The following PLAC1 variants were observed in gnomAD, a reference collection of about 807,000 sequenced individuals.
PLAC1 encodes the protein placenta associated 1, also known as placenta-specific protein 1.
For missense variants in PLAC1, 136 were observed against 163.2 expected (o/e 0.83, Z 0.91); for synonymous variants, 68 against 62.1 (o/e 1.09, Z -0.44).
intron 2 of PLAC1, among the ~76,000 whole-genome samples, chrX:134,697,047 G>A (rs1253663988): frequency 9.3e-6 from 1 of 107,710 alleles, no homozygotes; most frequent in Non-Finnish European, 1.9e-5. Context: ...AAAAAAAAAG[G>A]AAAGAAAGAA....
intron 1 of PLAC1, among the ~76,000 whole-genome samples, chrX:134,647,167 C>G (rs1350233244): frequency 9.0e-6 from 1 of 111,489 alleles, no homozygotes. Flanking sequence ...GCCCTCTTGT[C>G]CCCCACAGCT....
chrX:134,622,042 A>G (rs2078213379), intron 1 of PLAC1, among the ~76,000 whole-genome samples: 1 of 111,273 alleles, frequency 9.0e-6, no homozygotes, highest in Non-Finnish European at 1.9e-5. Flanking sequence ...ATCAGCCCCA[A>G]TTCACCCCTG....
intron 1 of PLAC1, among the ~76,000 whole-genome samples, chrX:134,644,166 C>G (rs1294863999): frequency 1.8e-5 from 2 of 110,547 alleles, no homozygotes; most frequent in Non-Finnish European, 3.8e-5. Context: ...AGCTCCAAGC[C>G]AATGCCATAG....
chrX:134,647,490 G>A lies in PLAC1; in HGVS notation c.-131+10838C>T, dbSNP rs2078340253. Among the ~76,000 whole-genome samples the A allele has an allele frequency of 3.7e-5, 4 of 106,770 alleles. No homozygotes were observed. In the Admixed American group the frequency reaches 4.1e-4, roughly 11 times the overall value. 92.7% of individuals were successfully genotyped at this position (106,770 alleles called of 115,157 possible). A position where few individuals can be genotyped will look rare whatever the true frequency, so the allele number is the denominator to read the frequency against. On this transcript the variant is annotated intron_variant, in intron 1 of 2. Transcript: ENST00000359237. ...AGTGTCCCCCAGCCTCAGCCTCTCTGACTCCAGGCTTCAGAGGGTGCCTGT... is the reference window on the plus strand; with the variant it reads ...AGTGTCCCCCAGCCTCAGCCTCTCTAACTCCAGGCTTCAGAGGGTGCCTGT...
chrX:134,614,596 T>TACACACAC (rs112359386), intron 1 of PLAC1, among the ~76,000 whole-genome samples: 82 of 106,536 alleles, frequency 7.7e-4, no homozygotes, highest in African/African-American at 2.7e-3. Context: ...GTATATATGA[T>TACACACAC]ACACACACAC....
intron 2 of PLAC1, among the ~76,000 whole-genome samples, chrX:134,732,934 G>T (rs1466032630): frequency 9.0e-6 from 1 of 111,583 alleles, no homozygotes; most frequent in East Asian, 2.8e-4. Context: ...GCTGGGAAGA[G>T]AGACGGCGAG....
In PLAC1 at chrX:134,647,065, G is replaced by A. The variant is rs143991555; in HGVS notation, c.-131+11263C>T. Among the ~76,000 whole-genome samples, 11 of 112,052 alleles carry A rather than the reference G, an allele frequency of 9.8e-5. No individual in the cohort carries two copies. In the East Asian group the frequency reaches 3.1e-3, roughly 31 times the overall value. On this transcript the variant is annotated intron_variant, in intron 1 of 2. Coordinates refer to ENST00000359237, the MANE Select transcript of PLAC1 (RefSeq NM_021796.4). ...AAAATGGGGCCAAAGGGAGGTTGCT[G>A]CTGGTGTCAGAAGTGGGGACAGAAC...
intron 1 of PLAC1, among the ~76,000 whole-genome samples, chrX:134,734,166 A>G (rs1171939623): frequency 5.3e-5 from 6 of 112,737 alleles, no homozygotes; most frequent in Non-Finnish European, 9.4e-5. Flanking sequence ...TCTGCTGCTC[A>G]GCCAGCCCTC....
At chrX:134,710,385 G>A (rs2078624478) in intron 2 of PLAC1, among the ~76,000 whole-genome samples, 1 of 111,906 alleles carries the variant, frequency 8.9e-6, no homozygotes, top group Admixed American at 9.5e-5. Context: ...ACTCGGTAGA[G>A]CCACATTGGA....
chrX:134,687,336 A>G (rs2078520656), intron 2 of PLAC1, among the ~76,000 whole-genome samples: 1 of 111,449 alleles, frequency 9.0e-6, no homozygotes, highest in Non-Finnish European at 1.9e-5. Context: ...GATGGCTTTG[A>G]ATGGGGCCCA....
chrX:134,622,120 G>T (rs895311324), intron 1 of PLAC1, among the ~76,000 whole-genome samples: 1 of 112,076 alleles, frequency 8.9e-6, no homozygotes, highest in Middle Eastern at 4.2e-3. Flanking sequence ...TTGGCTTTGG[G>T]CTGTATCAGT....
chrX:134,625,763 A>C (rs2124412604), intron 1 of PLAC1, among the ~76,000 whole-genome samples: 1 of 110,863 alleles, frequency 9.0e-6, no homozygotes, highest in Non-Finnish European at 1.9e-5. Context: ...TCAATCTTTA[A>C]CCCTAACCAA....
chrX:134,683,882 T>G (rs1282337530), intron 2 of PLAC1, among the ~76,000 whole-genome samples: 1 of 112,220 alleles, frequency 8.9e-6, no homozygotes, highest in African/African-American at 3.2e-5. Context: ...GCTGGGCATC[T>G]GCAATCATGT....
At chrX:134,677,586 G>A (rs1054582308) in intron 2 of PLAC1, among the ~76,000 whole-genome samples, 1 of 110,897 alleles carries the variant, frequency 9.0e-6, no homozygotes, top group Non-Finnish European at 1.9e-5. Flanking sequence ...AAACTGGAAG[G>A]GTTTAAGGAA....
chrX:134,688,064 T>A (rs1253566475), intron 2 of PLAC1, among the ~76,000 whole-genome samples: 1 of 106,408 alleles, frequency 9.4e-6, no homozygotes, highest in Non-Finnish European at 1.9e-5. Flanking sequence ...CTTCACAAGT[T>A]TTCCTGATGA....
intron 2 of PLAC1, among the ~76,000 whole-genome samples, chrX:134,712,990 A>T (rs2078632533): frequency 8.9e-6 from 1 of 112,337 alleles, no homozygotes; most frequent in Non-Finnish European, 1.9e-5. Context: ...ATTATTCAGC[A>T]ACTCTGGTAC....
chrX:134,650,502 T>C (rs1279260188), intron 1 of PLAC1, among the ~76,000 whole-genome samples: 1 of 110,574 alleles, frequency 9.0e-6, no homozygotes, highest in East Asian at 2.8e-4. Context: ...GTTTAGGAAG[T>C]GGAAGTGTTC....
At chrX:134,648,031 C>T (rs1440288062) in intron 1 of PLAC1, among the ~76,000 whole-genome samples, 1 of 111,697 alleles carries the variant, frequency 9.0e-6, no homozygotes, top group Non-Finnish European at 1.9e-5. Flanking sequence ...ATTTTAAGGG[C>T]ACTGAGTACA....
intron 1 of PLAC1, among the ~76,000 whole-genome samples, chrX:134,643,346 G>A (rs891685382): frequency 9.0e-6 from 1 of 111,328 alleles, no homozygotes; most frequent in Non-Finnish European, 1.9e-5. Context: ...CAGCTTTAAG[G>A]AACAGATAAT....
Sources: allele counts gnomAD v4.1 joint callset (sites outside exome capture counted in the v4.1 genomes callset), GRCh38; gene constraint gnomAD v4.1.1; transcripts MANE v1.5; gene names NCBI Gene and HGNC (gene_info 2026-07-23, HGNC 2026-07-21).